Variants in ATF3 observed in about 807,000 individuals in gnomAD.
The protein encoded by ATF3 is activating transcription factor 3, also known as cyclic AMP-dependent transcription factor ATF-3.
In ATF3, 10 loss-of-function variants were observed where a neutral mutation model predicts 18.4. That is an observed-to-expected ratio of 0.54 (90% CI 0.34 to 0.92). The LOEUF (loss-of-function observed/expected upper bound fraction) is 0.92. Among genes scored for constraint, ATF3 ranks in the 40% least tolerant of loss-of-function variants. ATF3 has a pLI of 0.02. For missense variants in ATF3, 183 were observed against 222.3 expected (o/e 0.82, Z 1.12); for synonymous variants, 78 against 87.9 (o/e 0.89, Z 0.63).
At chr1:212,599,632 C>T (rs1654417159) in intron 1 of ATF3, among the ~76,000 whole-genome samples, 1 of 152,136 alleles carries the variant, frequency 6.6e-6, no homozygotes, top group South Asian at 2.1e-4. Flanking sequence ...GGGGCCATTC[C>T]CTTCTTTGAC....
intron 1 of ATF3, among the ~76,000 whole-genome samples, chr1:212,586,117 G>A (rs771124513): frequency 6.6e-6 from 1 of 152,150 alleles, no homozygotes; most frequent in Non-Finnish European, 1.5e-5. Flanking sequence ...TCTGTCCTCA[G>A]CCTGGATGCC....
At chr1:212,616,305 T>TC (rs1558241262) in intron 2 of ATF3, among the ~76,000 whole-genome samples, 1 of 85,406 alleles carries the variant, frequency 1.2e-5, no homozygotes, top group Non-Finnish European at 2.2e-5. Context: ...ACACACACAC[T>TC]TTTTTTTTTG....
intron 1 of ATF3, among the ~76,000 whole-genome samples, chr1:212,587,122 G>A (rs1664794107): frequency 6.6e-6 from 1 of 152,198 alleles, no homozygotes; most frequent in South Asian, 2.1e-4. Flanking sequence ...TTACGTTTCG[G>A]AGAAGAGCTT....
At chr1:212,597,922 A>G (rs1320218585) in intron 1 of ATF3, among the ~76,000 whole-genome samples, 2 of 152,204 alleles carry the variant, frequency 1.3e-5, no homozygotes, top group African/African-American at 4.8e-5. Flanking sequence ...CCCCTGGCAC[A>G]TGGTAGGCAT....
intron 1 of ATF3, among the ~76,000 whole-genome samples, chr1:212,583,838 A>C (rs1217960791): frequency 6.6e-6 from 1 of 152,170 alleles, no homozygotes; most frequent in Non-Finnish European, 1.5e-5. Flanking sequence ...CTTTTTTTAA[A>C]ATGGGAATCA....
intron 1 of ATF3, among the ~76,000 whole-genome samples, chr1:212,597,464 A>C (rs1223479010): frequency 2.7e-4 from 39 of 144,846 alleles, no homozygotes; most frequent in African/African-American, 1.0e-3. Flanking sequence ...CTATCTCTCT[A>C]TCTAGCTAGC....
intron 1 of ATF3, among the ~76,000 whole-genome samples, chr1:212,583,148 T>C (rs1203131855): frequency 6.6e-6 from 1 of 152,220 alleles, no homozygotes; most frequent in African/African-American, 2.4e-5. Context: ...GAAAATGGGC[T>C]TCATAGCTAG....
At chr1:212,592,100 C>T (rs1664898654) in intron 1 of ATF3, among the ~76,000 whole-genome samples, 1 of 152,134 alleles carries the variant, frequency 6.6e-6, no homozygotes, top group Non-Finnish European at 1.5e-5. Flanking sequence ...CATCTGTCTC[C>T]AGAACATTTG....
At chr1:212,579,358 A>G (rs1039028169) in intron 1 of ATF3, among the ~76,000 whole-genome samples, 1 of 152,170 alleles carries the variant, frequency 6.6e-6, no homozygotes, top group African/African-American at 2.4e-5. Context: ...ACTCAGTTCC[A>G]TGTACCTTCC....
intron 1 of ATF3, among the ~76,000 whole-genome samples, chr1:212,609,379 G>GC (rs550034848): frequency 1.5e-5 from 2 of 137,000 alleles, no homozygotes; most frequent in Admixed American, 7.3e-5. Context: ...CCCGGGTGGG[G>GC]GGGGGGGGGC....
At chr1:212,590,097 T>C (rs17667665) in intron 1 of ATF3, among the ~76,000 whole-genome samples, 21,356 of 152,154 alleles carry the variant, frequency 0.14, 1,820 homozygotes, top group East Asian at 0.19. Flanking sequence ...CCATGTTACA[T>C]TGAACACTGT....
At chr1:212,586,624 T>G (rs184709718) in intron 1 of ATF3, among the ~76,000 whole-genome samples, 34 of 152,302 alleles carry the variant, frequency 2.2e-4, no homozygotes, top group Middle Eastern at 6.8e-3. Flanking sequence ...ATTTCCAATC[T>G]CCACCACAAA....
chr1:212,580,680 G>A (rs117399203), intron 1 of ATF3, among the ~76,000 whole-genome samples: 1 of 152,178 alleles, frequency 6.6e-6, no homozygotes, highest in Admixed American at 6.5e-5. Context: ...TTAAAATCCA[G>A]TAATTATCCC....
At chr1:212,616,729 G>A (rs1436819064) in intron 2 of ATF3, among the ~76,000 whole-genome samples, 3 of 152,230 alleles carry the variant, frequency 2.0e-5, no homozygotes, top group Non-Finnish European at 4.4e-5. Context: ...TGCAGCAGGA[G>A]GGAGCAGTGC....
At chr1:212,615,699 G>A (rs11571545) in intron 2 of ATF3, among the ~76,000 whole-genome samples, 6,343 of 151,502 alleles carry the variant, frequency 0.042, 467 homozygotes, top group Admixed American at 0.2. Context: ...ATCTACTTGC[G>A]AGGCTGAGGT....
chr1:212,568,526 C>T (rs1664423270), intron 1 of ATF3, among the ~76,000 whole-genome samples: 1 of 152,184 alleles, frequency 6.6e-6, no homozygotes, highest in Non-Finnish European at 1.5e-5. Flanking sequence ...TCTCTTCCTC[C>T]TGGACCCATT....
chr1:212,597,960 C>T (rs981471489), intron 1 of ATF3, among the ~76,000 whole-genome samples: 1 of 152,080 alleles, frequency 6.6e-6, no homozygotes, highest in East Asian at 1.9e-4. Flanking sequence ...CATAATTAAG[C>T]CAGGATTTGA....
chr1:212,586,780 A>G (rs545626670), intron 1 of ATF3, among the ~76,000 whole-genome samples: 3 of 152,234 alleles, frequency 2.0e-5, no homozygotes, highest in Non-Finnish European at 4.4e-5. Context: ...GCAAAAAATA[A>G]CCAACAGTTA....
intron 1 of ATF3, among the ~76,000 whole-genome samples, chr1:212,583,185 C>T (rs1664716455): frequency 6.6e-6 from 1 of 152,114 alleles, no homozygotes; most frequent in African/African-American, 2.4e-5. Context: ...AGCCTGCCTC[C>T]ACTGCTTTTT....
Sources: allele counts gnomAD v4.1 joint callset (sites outside exome capture counted in the v4.1 genomes callset), GRCh38; gene constraint gnomAD v4.1.1; transcripts MANE v1.5; gene names NCBI Gene and HGNC (gene_info 2026-07-23, HGNC 2026-07-21).